PCDH15: variants seen among roughly 807,000 people sequenced by gnomAD.
PCDH15 encodes the protein protocadherin-15.
A neutral mutation model predicts 178.5 loss-of-function variants in PCDH15; 129 were observed. The ratio of observed to expected loss-of-function variants is 0.72; its 90% CI spans 0.63 to 0.84. The LOEUF (loss-of-function observed/expected upper bound fraction) is 0.84. PCDH15 is among the 40% of genes least tolerant of loss of function. The probability of loss-of-function intolerance (pLI) is 0.00; values close to 1 mark genes in which losing one functional copy is unlikely to be tolerated. For synonymous variants in PCDH15, 800 were observed against 732.0 expected (o/e 1.09, Z -1.50); for missense variants, 2,230 against 2,099.9 (o/e 1.06, Z -1.21).
chr10:54,984,157 C>G (rs1564689206), intron 2 of PCDH15, among the ~76,000 whole-genome samples: 1 of 152,152 alleles, frequency 6.6e-6, no homozygotes, highest in Admixed American at 6.6e-5. Flanking sequence ...ATACTTTAAC[C>G]TGAAGATTTG....
At chr10:54,808,392 T>A (rs1952812274) in intron 3 of PCDH15, among the ~76,000 whole-genome samples, 1 of 152,170 alleles carries the variant, frequency 6.6e-6, no homozygotes, top group South Asian at 2.1e-4. Flanking sequence ...GAATACAGAG[T>A]CTGAGTTACT....
At chr10:54,891,199 T>C (rs1351875184) in intron 3 of PCDH15, among the ~76,000 whole-genome samples, 4 of 152,110 alleles carry the variant, frequency 2.6e-5, no homozygotes, top group Non-Finnish European at 4.4e-5. Flanking sequence ...ATCATGTCTA[T>C]TCTATTCAGA....
chr10:54,257,397 T>C (rs1178881968), intron 8 of PCDH15, among the ~76,000 whole-genome samples: 1 of 114,548 alleles, frequency 8.7e-6, no homozygotes, highest in African/African-American at 3.4e-5. Flanking sequence ...TAAAGAGAAT[T>C]GTCTTCTTTT....
At chr10:54,812,699 C>T (rs61515965) in intron 3 of PCDH15, among the ~76,000 whole-genome samples, 5,366 of 152,016 alleles carry the variant, frequency 0.035, 277 homozygotes, top group African/African-American at 0.12. Flanking sequence ...CCTCATGATC[C>T]GCCTGCCTCG....
intron 18 of PCDH15, among the ~76,000 whole-genome samples, chr10:54,064,161 C>T (rs1037532688): frequency 6.6e-6 from 1 of 152,130 alleles, no homozygotes; most frequent in Non-Finnish European, 1.5e-5. Flanking sequence ...GGCAGGTTAT[C>T]CCCATAAGTG....
intron 2 of PCDH15, among the ~76,000 whole-genome samples, chr10:55,416,699 C>T (rs1312618373): frequency 6.6e-6 from 1 of 151,864 alleles, no homozygotes; most frequent in East Asian, 1.9e-4. Context: ...GGCTTTGCTG[C>T]TGGGTTAAAG....
At chr10:55,559,694 C>CT (rs983281562) in intron 2 of PCDH15, among the ~76,000 whole-genome samples, 14 of 151,702 alleles carry the variant, frequency 9.2e-5, no homozygotes, top group African/African-American at 2.7e-4. Context: ...GTTGAATTTT[C>CT]TTTTTTTTCA....
At chr10:54,965,966 G>C (rs1053802011) in intron 2 of PCDH15, among the ~76,000 whole-genome samples, 1 of 149,990 alleles carries the variant, frequency 6.7e-6, no homozygotes, top group African/African-American at 2.4e-5. Context: ...TTATATAATA[G>C]ACCTTATATA....
At chr10:53,888,403 A>G (rs921542842) in intron 26 of PCDH15, among the ~76,000 whole-genome samples, 10 of 137,844 alleles carry the variant, frequency 7.3e-5, no homozygotes, top group African/African-American at 2.7e-4. Context: ...GTTTCTTAAT[A>G]TTACAAATTT....
At chr10:54,229,015 T>C (rs2053771865) in intron 9 of PCDH15, among the ~76,000 whole-genome samples, 1 of 151,720 alleles carries the variant, frequency 6.6e-6, no homozygotes, top group Non-Finnish European at 1.5e-5. Context: ...TTTATAATAT[T>C]AATTTTACAC....
intron 2 of PCDH15, among the ~76,000 whole-genome samples, chr10:54,975,017 C>T (rs1370581334): frequency 2.6e-5 from 4 of 152,146 alleles, no homozygotes; most frequent in African/African-American, 4.8e-5. Flanking sequence ...CACACATCTT[C>T]TCAGCTACTA....
In PCDH15 at chr10:54,341,907, C is replaced by T. The variant is rs149223498; in HGVS notation, c.594+4458G>A. ...ACTTGAGAAAGATGATTTAGGGTAT[C>T]TGGCAGGAGAAATTTCTAAGCAGCA... On this transcript the variant is annotated intron_variant, in intron 6 of 37. Transcript: ENST00000644397. Among the ~76,000 whole-genome samples the T allele has an allele frequency of 2.8e-3, 421 of 152,322 alleles. 16 individuals carry two copies. In the East Asian group the frequency reaches 0.076, roughly 28 times the overall value.
At chr10:54,455,281 C>A (rs1301417929) in intron 3 of PCDH15, among the ~76,000 whole-genome samples, 3 of 152,090 alleles carry the variant, frequency 2.0e-5, no homozygotes, top group South Asian at 4.2e-4. Flanking sequence ...TGTAAAGATA[C>A]CCAAAAATGT....
At chr10:55,416,811 T>C (rs1838495001) in intron 2 of PCDH15, among the ~76,000 whole-genome samples, 1 of 151,822 alleles carries the variant, frequency 6.6e-6, no homozygotes. Context: ...ACATCTAAGC[T>C]AGTGTCTGTC....
chr10:55,345,515 C>T (rs914845563), intron 2 of PCDH15, among the ~76,000 whole-genome samples: 6 of 152,038 alleles, frequency 3.9e-5, no homozygotes, highest in African/African-American at 9.7e-5. Context: ...ACCCTCTTGT[C>T]GGTCCTGTAC....
chr10:55,450,823 TA>T (rs1839418270), intron 2 of PCDH15, among the ~76,000 whole-genome samples: 2 of 151,976 alleles, frequency 1.3e-5, no homozygotes, highest in Non-Finnish European at 2.9e-5. Context: ...ATTATCCAGC[TA>T]AGCAATCTCC....
At chr10:54,511,144 T>C (rs147007222) in intron 3 of PCDH15, among the ~76,000 whole-genome samples, 3 of 152,182 alleles carry the variant, frequency 2.0e-5, no homozygotes, top group Admixed American at 2.0e-4. Context: ...TGAAACCATA[T>C]TTTTAAGAAT....
chr10:55,620,872 T>C (rs1258886841), intron 2 of PCDH15, among the ~76,000 whole-genome samples: 1 of 151,640 alleles, frequency 6.6e-6, no homozygotes, highest in Admixed American at 6.6e-5. Flanking sequence ...CTCAAATTCA[T>C]GTATACCTCT....
chr10:55,357,657 ATTAAT>A (rs1288633206), intron 2 of PCDH15, among the ~76,000 whole-genome samples: 1 of 152,024 alleles, frequency 6.6e-6, no homozygotes, highest in Non-Finnish European at 1.5e-5. Context: ...AAATTGTAGC[ATTAAT>A]TTATTCTATA....
Sources: gnomAD v4.1 joint callset for allele counts (sites outside exome capture counted in the v4.1 genomes callset) on GRCh38, gnomAD v4.1.1 for gene constraint, MANE v1.5 for transcripts, NCBI Gene and HGNC (gene_info 2026-07-23, HGNC 2026-07-21) for gene names.